GLI2: variants seen among roughly 807,000 people sequenced by gnomAD.
The protein encoded by GLI2 is transcription activator GLI2.
A neutral mutation model predicts 78.9 loss-of-function variants in GLI2; 22 were observed. The ratio of observed to expected loss-of-function variants is 0.28; its 90% CI spans 0.20 to 0.40. GLI2 has a LOEUF of 0.40. GLI2 is among the 10% of genes least tolerant of loss of function. The pLI is 1.00. For missense variants in GLI2, 2,097 were observed against 2,213.2 expected (o/e 0.95, Z 1.05); for synonymous variants, 974 against 963.7 (o/e 1.01, Z -0.20).
chr2:120,754,914 G>A (rs977596995), intron 1 of GLI2, among the ~76,000 whole-genome samples: 7 of 150,876 alleles, frequency 4.6e-5, no homozygotes, highest in South Asian at 2.1e-4. Flanking sequence ...GTGCAATGGC[G>A]CAATCTTGGC....
At chr2:120,950,924 C>G (rs1027902717) in intron 3 of GLI2, among the ~76,000 whole-genome samples, 15 of 152,256 alleles carry the variant, frequency 9.9e-5, no homozygotes, top group African/African-American at 3.6e-4. Context: ...CACAGTGCAA[C>G]TGTGACGTGT....
At chr2:120,805,016 A>G (rs1389135362) in intron 2 of GLI2, among the ~76,000 whole-genome samples, 9 of 152,228 alleles carry the variant, frequency 5.9e-5, no homozygotes, top group Non-Finnish European at 1.3e-4. Flanking sequence ...ACTTCTGGCT[A>G]CCATGGAACT....
At chr2:120,975,178 C>T in intron 9 of GLI2, 69 bp downstream of exon 9, 8 of 1,497,680 alleles carry the variant, frequency 5.3e-6, no homozygotes, top group Non-Finnish European at 7.4e-6. Flanking sequence ...GCTGAGCCTT[C>T]CAGGGCCTCT....
chr2:120,843,462 A>T (rs542931050), intron 2 of GLI2, among the ~76,000 whole-genome samples: 2 of 152,342 alleles, frequency 1.3e-5, no homozygotes, highest in Admixed American at 1.3e-4. Context: ...GAGTTCACAA[A>T]AATAACCTCA....
chr2:120,894,645 A>G (rs929665283), intron 2 of GLI2, among the ~76,000 whole-genome samples: 1 of 113,006 alleles, frequency 8.8e-6, no homozygotes, highest in Non-Finnish European at 1.9e-5. Context: ...CCGCCCCCCC[A>G]TAAATCCCCC....
intron 1 of GLI2, among the ~76,000 whole-genome samples, chr2:120,754,915 C>T (rs1339606204): frequency 6.6e-6 from 1 of 151,272 alleles, no homozygotes; most frequent in Non-Finnish European, 1.5e-5. Flanking sequence ...TGCAATGGCG[C>T]AATCTTGGCT....
rs781430951 is a variant in GLI2, at chr2:120,968,761, C to T, written c.691C>T (p.Arg231Trp). ...PRVTPRLSRK[R>W]ALSISPLSDA... ...GGTGACGCCCCGCCTGAGCCGCAAG[C>T]GGGCGCTGTCCATCTCCCCACTCTC... Residue 231 changes from arginine to tryptophan, a missense_variant, in exon 6 of 14, where the codon CGG (arginine) becomes TGG (tryptophan). This residue lies in a region of GLI2 where 578 missense variants were observed against 612.0 expected (regional missense o/e 0.94). Transcript: ENST00000361492. 5.6e-6 allele frequency: 9 copies of T among 1,613,428 alleles called. No individual in the cohort carries two copies. The highest frequency in any genetic ancestry group is 1.7e-5 in the Admixed American group (1 of 59,986).
At chr2:120,950,820 G>T (rs368149465) in intron 3 of GLI2, among the ~76,000 whole-genome samples, 1 of 152,108 alleles carries the variant, frequency 6.6e-6, no homozygotes, top group South Asian at 2.1e-4. Context: ...AGCTCTTTGC[G>T]TTTTACCCGT....
intron 2 of GLI2, among the ~76,000 whole-genome samples, chr2:120,840,176 T>G (rs1033139101): frequency 6.6e-6 from 1 of 152,240 alleles, no homozygotes; most frequent in African/African-American, 2.4e-5. Flanking sequence ...GATCCACGTC[T>G]TTGTACAGTT....
chr2:120,916,797 C>A (rs1048311181), intron 2 of GLI2, among the ~76,000 whole-genome samples: 5 of 152,180 alleles, frequency 3.3e-5, no homozygotes, highest in African/African-American at 1.2e-4. Context: ...AGCTGTGGAG[C>A]CAGGCTTGAT....
Position 120,745,245 on chromosome 2 carries a change from C to T in GLI2, c.-31+8960C>T, listed in dbSNP as rs546987890. Among the ~76,000 whole-genome samples, 175 of 152,310 alleles carry T rather than the reference C, an allele frequency of 1.1e-3. 2 individuals carry two copies. Among genetic ancestry groups the T allele is most frequent in the African/African-American group, 3.5e-3 (145 of 41,550 alleles). On this transcript the variant is annotated intron_variant, in intron 1 of 13. Coordinates refer to ENST00000361492, the MANE Select transcript of GLI2 (RefSeq NM_001374353.1). ...TCTGTCCCAAGTGTCCCTGGGATGC[C>T]TCCTTTCTTTTTCCATGTAAGGAAC...
chr2:120,753,702 T>C (rs1009300917), intron 1 of GLI2, among the ~76,000 whole-genome samples: 1 of 151,860 alleles, frequency 6.6e-6, no homozygotes, highest in Non-Finnish European at 1.5e-5. Flanking sequence ...ATCAAGACCA[T>C]CCTGGCTAAC....
intron 2 of GLI2, among the ~76,000 whole-genome samples, chr2:120,878,876 C>T (rs1212662332): frequency 2.0e-5 from 3 of 151,420 alleles, no homozygotes; most frequent in South Asian, 2.1e-4. Flanking sequence ...TGCAGTGAAC[C>T]GAGATCACAC....
chr2:120,897,241 G>A (rs575990462), intron 2 of GLI2, among the ~76,000 whole-genome samples: 37 of 152,352 alleles, frequency 2.4e-4, no homozygotes, highest in African/African-American at 4.6e-4. Flanking sequence ...TTAGGGGAAC[G>A]AGGATTCCAT....
rs183750064 is a variant in GLI2 at position 120,862,106 on chromosome 2, C to A, written c.148+64638C>A. Among the ~76,000 whole-genome samples, 12 of 152,258 alleles carry A rather than the reference C, an allele frequency of 7.9e-5. No homozygotes were observed. The East Asian group carries it at 2.3e-3, about 29-fold the overall frequency. ...AAGAAACAACTAAGAAAAGCTTTCC[C>A]GCTTTGGCAGGCAAGGCTTGGGTGA... On this transcript the variant is annotated intron_variant, in intron 2 of 13. Transcript: ENST00000361492.
At chr2:120,854,330 G>A (rs939754374) in intron 2 of GLI2, among the ~76,000 whole-genome samples, 5 of 152,132 alleles carry the variant, frequency 3.3e-5, no homozygotes, top group African/African-American at 4.8e-5. Flanking sequence ...CCATCCTCTG[G>A]TCACACTTGG....
chr2:120,953,668 T>C (rs1409579399), intron 4 of GLI2, among the ~76,000 whole-genome samples: 1 of 152,158 alleles, frequency 6.6e-6, no homozygotes, highest in Non-Finnish European at 1.5e-5. Context: ...AGAGACGCTG[T>C]ATTCCACTGA....
chr2:120,925,907 C>T (rs972765550), intron 2 of GLI2, among the ~76,000 whole-genome samples: 1 of 151,428 alleles, frequency 6.6e-6, no homozygotes, highest in African/African-American at 2.4e-5. Context: ...CTCGTCTCTA[C>T]TAAAAATACA....
chr2:120,794,040 C>T (rs1272280774), intron 1 of GLI2, among the ~76,000 whole-genome samples: 2 of 152,198 alleles, frequency 1.3e-5, no homozygotes, highest in African/African-American at 2.4e-5. Context: ...ACGGATGGAG[C>T]CTTCTAGTTA....
Sources: allele counts gnomAD v4.1 joint callset (sites outside exome capture counted in the v4.1 genomes callset), GRCh38; gene constraint gnomAD v4.1.1; regional missense constraint gnomAD v4.1.1; transcripts MANE v1.5; gene names NCBI Gene and HGNC (gene_info 2026-07-23, HGNC 2026-07-21).